TECRL: variants seen among roughly 807,000 people sequenced by gnomAD.
The protein encoded by TECRL is trans-2,3-enoyl-CoA reductase like, also known as trans-2,3-enoyl-CoA reductase-like.
TECRL carries 63 observed loss-of-function variants against 52.8 expected under a neutral mutation model. That is an observed-to-expected ratio of 1.19 (90% confidence interval 0.97 to 1.47). The LOEUF (loss-of-function observed/expected upper bound fraction) is 1.47. TECRL is among the 40% of genes most tolerant of loss of function. TECRL has a pLI of 0.00. For missense variants in TECRL, 482 were observed against 429.6 expected (o/e 1.12, Z -1.08); for synonymous variants, 164 against 141.9 (o/e 1.16, Z -1.10).
At chr4:64,353,050 T>C (rs1720509504) in intron 2 of TECRL, among the ~76,000 whole-genome samples, 1 of 152,204 alleles carries the variant, frequency 6.6e-6, no homozygotes, top group Non-Finnish European at 1.5e-5. Context: ...CAAATTTTTA[T>C]ACTACTGGAC....
chr4:64,369,139 T>C (rs918184970), intron 2 of TECRL, among the ~76,000 whole-genome samples: 2 of 152,160 alleles, frequency 1.3e-5, no homozygotes, highest in Non-Finnish European at 2.9e-5. Flanking sequence ...GGCAAAATGA[T>C]TTTGCTTTTT....
At chr4:64,353,188 A>G (rs1303634608) in intron 2 of TECRL, among the ~76,000 whole-genome samples, 1 of 152,212 alleles carries the variant, frequency 6.6e-6, no homozygotes, top group African/African-American at 2.4e-5. Context: ...AGATATAAAC[A>G]CAGAATAAGA....
At chr4:64,346,745 A>C (rs1056824300) in intron 2 of TECRL, among the ~76,000 whole-genome samples, 1 of 152,082 alleles carries the variant, frequency 6.6e-6, no homozygotes. Context: ...AATTGTCCCC[A>C]TTGTCTTGGT....
chr4:64,281,654 G>A, intron 9 of TECRL, 95 bp from the exon 10 acceptor site: 3 of 620,334 alleles, frequency 4.8e-6, no homozygotes, highest in Non-Finnish European at 2.7e-6. Flanking sequence ...AAATAACTGT[G>A]TACCACATGA....
intron 1 of TECRL, among the ~76,000 whole-genome samples, chr4:64,382,381 T>C (rs1342097359): frequency 4.7e-5 from 7 of 148,232 alleles, no homozygotes; most frequent in Admixed American, 1.4e-4. Context: ...ACACACACTA[T>C]ATAGTGTTGT....
intron 2 of TECRL, among the ~76,000 whole-genome samples, chr4:64,372,234 A>G (rs1255712479): frequency 6.6e-6 from 1 of 151,838 alleles, no homozygotes; most frequent in Non-Finnish European, 1.5e-5. Flanking sequence ...CAAATAGATC[A>G]AGATAAAGAA....
chr4:64,294,459 C>T (rs989659346), intron 8 of TECRL, among the ~76,000 whole-genome samples: 4 of 152,076 alleles, frequency 2.6e-5, no homozygotes, highest in Admixed American at 2.6e-4. Flanking sequence ...GCGTCTTTGG[C>T]AAAGCATACT....
At chr4:64,396,488 T>C (rs564237179) in intron 1 of TECRL, among the ~76,000 whole-genome samples, 80 of 152,280 alleles carry the variant, frequency 5.3e-4, no homozygotes, top group African/African-American at 1.9e-3. Context: ...TTTGTCCATT[T>C]TTAAATGTGG....
At chr4:64,286,282 T>G (rs1358541970) in intron 9 of TECRL, among the ~76,000 whole-genome samples, 3 of 151,952 alleles carry the variant, frequency 2.0e-5, no homozygotes, top group Non-Finnish European at 4.4e-5. Flanking sequence ...CTCAAGAAAT[T>G]GTGGACAAGG....
chr4:64,386,851 A>G (rs147227127), intron 1 of TECRL, among the ~76,000 whole-genome samples: 1 of 152,144 alleles, frequency 6.6e-6, no homozygotes, highest in South Asian at 2.1e-4. Flanking sequence ...CTTTGCCTTT[A>G]CACATGCATA....
At chr4:64,350,052 A>T (rs940534859) in intron 2 of TECRL, among the ~76,000 whole-genome samples, 1 of 145,218 alleles carries the variant, frequency 6.9e-6, no homozygotes, top group Non-Finnish European at 1.5e-5. Flanking sequence ...CTGCATTTTA[A>T]CATAAGGAAA....
At chr4:64,380,958 T>C (rs891943643) in intron 1 of TECRL, among the ~76,000 whole-genome samples, 54 of 152,190 alleles carry the variant, frequency 3.5e-4, no homozygotes, top group African/African-American at 1.2e-3. Flanking sequence ...ATAGGGAATG[T>C]ATTGAATTTG....
intron 9 of TECRL, among the ~76,000 whole-genome samples, chr4:64,283,407 A>G (rs989590102): frequency 3.3e-5 from 5 of 152,090 alleles, no homozygotes; most frequent in African/African-American, 4.8e-5. Flanking sequence ...AAGGCCTGCA[A>G]TGAGTACTCC....
intron 2 of TECRL, among the ~76,000 whole-genome samples, chr4:64,341,490 C>T (rs906138444): frequency 6.6e-6 from 1 of 152,010 alleles, no homozygotes; most frequent in Admixed American, 6.6e-5. Context: ...ATCTCAGCTA[C>T]TTGGGAGGCT....
chr4:64,353,721 T>C (rs964159761), intron 2 of TECRL, among the ~76,000 whole-genome samples: 1 of 152,234 alleles, frequency 6.6e-6, no homozygotes, highest in Admixed American at 6.5e-5. Context: ...TGGGAATCAG[T>C]TAGTTTTGAT....
At chr4:64,331,382 G>A (rs1718629641) in intron 2 of TECRL, among the ~76,000 whole-genome samples, 1 of 151,996 alleles carries the variant, frequency 6.6e-6, no homozygotes, top group Admixed American at 6.6e-5. Context: ...TGGGACATCT[G>A]GCCCTAGAAA....
Position 64,299,990 on chromosome 4 carries a change from G to T in TECRL, c.758C>A (p.Ser253Tyr). 1 of 1,582,348 alleles carries T rather than the reference G, an allele frequency of 6.3e-7. No individual in the cohort carries two copies. Among genetic ancestry groups the T allele is most frequent in the South Asian group, 1.1e-5 (1 of 87,010 alleles). ...PSFGNRQITV[S>Y]AINFLICEAG... Reference sequence around the variant, plus strand: ...GATACATACCAGAAAATTGATAGCAGATACTGTGATTTGCCTGTTTCCAAA... The same window carrying T: ...GATACATACCAGAAAATTGATAGCATATACTGTGATTTGCCTGTTTCCAAA... The change falls in exon 8 of 12, where the codon TCT becomes TAT. Residue 253 changes from serine (S) to tyrosine (Y), a missense_variant. By Grantham distance (144) the Ser-to-Tyr change is moderately radical. Transcript: ENST00000381210.
At chr4:64,398,164 G>A (rs970032084) in intron 1 of TECRL, among the ~76,000 whole-genome samples, 1 of 152,014 alleles carries the variant, frequency 6.6e-6, no homozygotes, top group African/African-American at 2.4e-5. Flanking sequence ...TTGTATCTAT[G>A]TCCTAATTTA....
intron 9 of TECRL, among the ~76,000 whole-genome samples, chr4:64,282,366 C>T (rs558127177): frequency 1.1e-4 from 16 of 152,090 alleles, no homozygotes; most frequent in Admixed American, 2.6e-4. Flanking sequence ...AACTCTTTTA[C>T]TTATAACTCT....
Sources: gnomAD v4.1 joint callset for allele counts (sites outside exome capture counted in the v4.1 genomes callset) on GRCh38, gnomAD v4.1.1 for gene constraint, MANE v1.5 for transcripts, NCBI Gene and HGNC (gene_info 2026-07-23, HGNC 2026-07-21) for gene names.